COL11A1: variants seen among roughly 807,000 people sequenced by gnomAD.
COL11A1 encodes the protein collagen alpha-1(XI) chain.
A neutral mutation model predicts 265.2 loss-of-function variants in COL11A1; 74 were observed. The ratio of observed to expected loss-of-function variants is 0.28; its 90% CI spans 0.23 to 0.34. COL11A1 has a LOEUF of 0.34. Among genes scored for constraint, COL11A1 ranks in the 10% least tolerant of loss-of-function variants. The pLI, the probability that COL11A1 is intolerant of heterozygous loss-of-function variation, is 1.00. For synonymous variants in COL11A1, 816 were observed against 727.6 expected, an observed-to-expected ratio of 1.12 and a Z score of -1.96; for missense variants, 2,165 against 2,263.6, an observed-to-expected ratio of 0.96 and a Z score of 0.88.
chr1:102,881,741 C>T lies in COL11A1; in HGVS notation c.4996G>A (p.Glu1666Lys). The change falls in exon 65 of 67, where the codon GAG (glutamate) becomes AAG (lysine). Residue 1666 changes from glutamate (E) to lysine (K), a missense_variant. Physicochemically the swap from Glu to Lys is moderately conservative, Grantham distance 56 (BLOSUM62 1). Transcript: ENST00000370096. The stretch of plus-strand genomic sequence containing the variant: ...TCACTAAACCAACTTCCTGGTTTCT[C>T]CTTTGGCCATGATGAAATTCTTACC... Reference protein sequence around the residue: ...EGVRISSWPKEKPGSWFSEFK... With the variant: ...EGVRISSWPKKKPGSWFSEFK... 1.2e-6 allele frequency: 2 copies of T among 1,612,582 alleles called. No homozygotes were observed. Among genetic ancestry groups the T allele is most frequent in the East Asian group, 2.2e-5 (1 of 44,716 alleles).
chr1:103,086,577 C>T (rs1672885985), intron 1 of COL11A1, among the ~76,000 whole-genome samples: 1 of 152,068 alleles, frequency 6.6e-6, no homozygotes, highest in Non-Finnish European at 1.5e-5. Flanking sequence ...CCACCACGCC[C>T]GGCTAATTTT....
At chr1:103,008,233 T>C (rs949206986) in intron 15 of COL11A1, among the ~76,000 whole-genome samples, 6 of 152,158 alleles carry the variant, frequency 3.9e-5, no homozygotes, top group African/African-American at 1.4e-4. Context: ...TTTTCCATCC[T>C]TTTAATGGCA....
chr1:103,012,362 A>G (rs770637341), intron 14 of COL11A1, 51 bp downstream of exon 14: 2 of 1,382,304 alleles, frequency 1.4e-6, no homozygotes, highest in Non-Finnish European at 2.1e-6. Context: ...TGCACAGGGA[A>G]CTGCTAATTT....
chr1:103,021,616 G>A, intron 9 of COL11A1, 91 bp downstream of exon 9: 1 of 849,566 alleles, frequency 1.2e-6, no homozygotes, highest in East Asian at 2.4e-5. Flanking sequence ...GATTATCATT[G>A]GTAAAACACG....
At chr1:102,927,959 G>T (rs1029894136) in intron 46 of COL11A1, among the ~76,000 whole-genome samples, 3 of 152,032 alleles carry the variant, frequency 2.0e-5, no homozygotes, top group Non-Finnish European at 2.9e-5. Context: ...GTCATAGGTC[G>T]AGTTTCTCCG....
chr1:103,078,594 T>C, intron 3 of COL11A1, 64 bp downstream of exon 3: 2 of 1,472,104 alleles, frequency 1.4e-6, no homozygotes, highest in Admixed American at 1.7e-5. Flanking sequence ...AAATATTTGT[T>C]AAGTGACTGA....
intron 4 of COL11A1, among the ~76,000 whole-genome samples, chr1:103,041,856 G>A (rs1178143465): frequency 8.6e-5 from 13 of 151,752 alleles, no homozygotes; most frequent in African/African-American, 2.9e-4. Flanking sequence ...TACTGATATG[G>A]GTATATTTTG....
At chr1:102,936,141 A>T (rs1658117628) in intron 44 of COL11A1, among the ~76,000 whole-genome samples, 1 of 152,116 alleles carries the variant, frequency 6.6e-6, no homozygotes, top group African/African-American at 2.4e-5. Context: ...AATATTATTA[A>T]ATATTGACCT....
chr1:103,089,406 C>T (rs953557853), intron 1 of COL11A1, among the ~76,000 whole-genome samples: 18 of 152,138 alleles, frequency 1.2e-4, no homozygotes, highest in African/African-American at 3.6e-4. Flanking sequence ...CTATTTTGTT[C>T]GCTTGCTTAA....
chr1:102,925,004 A>G (rs1335332943), intron 46 of COL11A1, among the ~76,000 whole-genome samples: 1 of 151,390 alleles, frequency 6.6e-6, no homozygotes, highest in African/African-American at 2.4e-5. Context: ...AATACATCTT[A>G]TATATGCTAT....
chr1:102,900,909 A>G (rs1429431590), intron 54 of COL11A1, among the ~76,000 whole-genome samples: 1 of 152,174 alleles, frequency 6.6e-6, no homozygotes, highest in Non-Finnish European at 1.5e-5. Context: ...ACAAAAAAAT[A>G]AGAAAAATGA....
At chr1:102,933,378 G>T (rs984045136) in intron 46 of COL11A1, among the ~76,000 whole-genome samples, 1 of 146,232 alleles carries the variant, frequency 6.8e-6, no homozygotes, top group Non-Finnish European at 1.5e-5. Flanking sequence ...GCCCCTGCTG[G>T]GGGGTGCCTC....
At chr1:103,085,723 A>AT (rs1456567747) in intron 1 of COL11A1, among the ~76,000 whole-genome samples, 7 of 152,126 alleles carry the variant, frequency 4.6e-5, no homozygotes, top group South Asian at 4.1e-4. Context: ...GTTTGAGAAC[A>AT]TTTTTTTGCA....
chr1:102,902,334 G>T (rs1045952979), intron 54 of COL11A1, among the ~76,000 whole-genome samples: 1 of 152,102 alleles, frequency 6.6e-6, no homozygotes, highest in South Asian at 2.1e-4. Flanking sequence ...GGCATATGGA[G>T]ATCTTGATTT....
chr1:102,948,310 C>T (rs1570827722), intron 41 of COL11A1, among the ~76,000 whole-genome samples: 1 of 152,028 alleles, frequency 6.6e-6, no homozygotes. Flanking sequence ...AATGAAGAAT[C>T]TCTGGCTCAA....
intron 57 of COL11A1, among the ~76,000 whole-genome samples, chr1:102,897,443 A>T (rs6663647): frequency 0.58 from 87,018 of 150,270 alleles, 26,490 homozygotes; most frequent in Non-Finnish European, 0.67. Flanking sequence ...AAGAAAAAAA[A>T]ATATATATAT....
chr1:103,100,403 G>A (rs1478391688), intron 1 of COL11A1: 1 of 151,784 alleles, frequency 6.6e-6, no homozygotes, highest in African/African-American at 2.4e-5. Context: ...GTTAATCAAA[G>A]GAACAAAACT....
intron 35 of COL11A1, among the ~76,000 whole-genome samples, chr1:102,976,376 G>A (rs1662490369): frequency 7.7e-6 from 1 of 129,130 alleles, no homozygotes; most frequent in Middle Eastern, 5.4e-3. Flanking sequence ...TTGGCTCACT[G>A]CAACCTCCGC....
At position 102,989,506 on chromosome 1, in the gene COL11A1, C is replaced by A. The variant is rs140788009; in HGVS notation, c.2394+12G>T. 29 of 1,595,080 alleles carry A rather than the reference C, an allele frequency of 1.8e-5. No homozygotes were observed. In the Middle Eastern group the frequency reaches 8.5e-4, roughly 47 times the overall value. ...AATTTTGTGTACTGGTGTACATTTT[C>A]TCTATACTTACTCTGTCACCTTTTA... On this transcript the variant is annotated intron_variant, in intron 29 of 66. Transcript: ENST00000370096.
Sources: gnomAD v4.1 joint callset for allele counts (sites outside exome capture counted in the v4.1 genomes callset) on GRCh38, gnomAD v4.1.1 for gene constraint, MANE v1.5 for transcripts, NCBI Gene and HGNC (gene_info 2026-07-23, HGNC 2026-07-21) for gene names.